Variants in UGT1A1 observed in about 807,000 individuals in gnomAD.
UGT1A1 encodes the protein UDP glucuronosyltransferase family 1 member A1, also known as UDP-glucuronosyltransferase 1A1.
Under a neutral mutation model 40.6 loss-of-function variants are expected in UGT1A1, and 33 were observed. The ratio of observed to expected loss-of-function variants is 0.81; its 90% confidence interval spans 0.62 to 1.09. UGT1A1 has a LOEUF of 1.09. Ranked by LOEUF, UGT1A1 falls within the 50% of genes least tolerant of loss-of-function variation. UGT1A1 has a pLI of 0.00. For missense variants in UGT1A1, 694 were observed against 671.2 expected, an observed-to-expected ratio of 1.03 and a Z score of -0.38; for synonymous variants, 249 against 265.0, an observed-to-expected ratio of 0.94 and a Z score of 0.59.
chr2:233,772,615 T>C lies in UGT1A1; in HGVS notation c.*56T>C. ...AACCATTCCCTAGTCATTTCCAAAC[T>C]TGAAAACAGAATCAGTGTTAAATTC... On this transcript the variant is annotated 3_prime_UTR_variant, in exon 5 of 5. Coordinates refer to ENST00000305208, the MANE Select transcript of UGT1A1 (RefSeq NM_000463.3). 6.3e-7 allele frequency: 1 copy of C among 1,574,876 alleles called. No individual in the cohort carries two copies. The highest frequency in any genetic ancestry group is 8.6e-7 in the Non-Finnish European group (1 of 1,159,332).
At chr2:233,761,312 C>T (rs1697739836) in intron 1 of UGT1A1, among the ~76,000 whole-genome samples, 161 bp downstream of exon 1, 2 of 152,232 alleles carry the variant, frequency 1.3e-5, no homozygotes, top group Non-Finnish European at 2.9e-5. Flanking sequence ...CTGTCTTTGG[C>T]ATCATCTTCT....
chr2:233,766,270 C>T (rs1699087800), intron 1 of UGT1A1, among the ~76,000 whole-genome samples: 1 of 67,854 alleles, frequency 1.5e-5, no homozygotes. Flanking sequence ...GGCCCGGGCT[C>T]GGTGGCCCGG....
chr2:233,765,491 C>T (rs1438228783), intron 1 of UGT1A1, among the ~76,000 whole-genome samples: 1 of 152,094 alleles, frequency 6.6e-6, no homozygotes, highest in African/African-American at 2.4e-5. Flanking sequence ...TCATCCTCCA[C>T]AAACTAACAC....
chr2:233,762,218 A>G (rs1011647338), intron 1 of UGT1A1, among the ~76,000 whole-genome samples: 2 of 152,162 alleles, frequency 1.3e-5, no homozygotes, highest in African/African-American at 4.8e-5. Flanking sequence ...GCGCCCCATA[A>G]ATCTCAGCAC....
At chr2:233,765,532 C>T (rs769087620) in intron 1 of UGT1A1, among the ~76,000 whole-genome samples, 15 of 152,064 alleles carry the variant, frequency 9.9e-5, no homozygotes, top group Non-Finnish European at 2.1e-4. Context: ...CGCATGTTCT[C>T]ACTCATAAGT....
chr2:233,772,746 T>C lies in UGT1A1; in HGVS notation c.*187T>C. On this transcript the variant is annotated 3_prime_UTR_variant, in exon 5 of 5. Coordinates refer to ENST00000305208, the MANE Select transcript of UGT1A1 (RefSeq NM_000463.3). ...ATAGACTCGCTAGTCAGTAAAGATA[T>C]TTGAATATGTATCGTGCCCCCTCTG... The C allele has an allele frequency of 7.0e-7, 1 of 1,422,530 alleles. No individual in the cohort carries two copies. 88.1% of individuals were successfully genotyped at this position (1,422,530 alleles called of 1,614,324 possible).
rs773957041 is a variant in UGT1A1 at position 233,772,325 on chromosome 2, C to G, written c.1368C>G (p.Asp456Glu). Residue 456 changes from aspartate to glutamate, a missense_variant, in exon 5 of 5, where the codon GAC becomes GAG. Coordinates refer to ENST00000305208, the MANE Select transcript of UGT1A1 (RefSeq NM_000463.3). ...AGGACCGCCCGGTGGAGCCGCTGGACCTGGCCGTGTTCTGGGTGGAGTTTG... is the reference window on the plus strand; with the variant it reads ...AGGACCGCCCGGTGGAGCCGCTGGAGCTGGCCGTGTTCTGGGTGGAGTTTG... ...LHKDRPVEPLDLAVFWVEFVM... is the reference protein window; with the variant it reads ...LHKDRPVEPLELAVFWVEFVM... The G allele has an allele frequency of 1.9e-6, 3 of 1,614,136 alleles. No individual in the cohort carries two copies. The highest frequency in any genetic ancestry group is 2.2e-5 in the South Asian group (2 of 91,076).
chr2:233,761,167 G>C lies in UGT1A1; in HGVS notation c.864+16G>C. The C allele has an allele frequency of 6.2e-7, 1 of 1,614,098 alleles. No individual in the cohort carries two copies. On this transcript the variant is annotated intron_variant, in intron 1 of 4. Transcript: ENST00000305208. The stretch of plus-strand genomic sequence containing the variant: ...ACTATCCCAGGTGTGTATTGGAGTG[G>C]GACTTTTACATGCGTATATTCTTTC...
intron 1 of UGT1A1, among the ~76,000 whole-genome samples, chr2:233,763,438 G>A (rs1487731202): frequency 6.6e-6 from 1 of 152,146 alleles, no homozygotes; most frequent in African/African-American, 2.4e-5. Context: ...GCTTTAATAA[G>A]TGCATTTTGC....
At position 233,772,792 on chromosome 2, in the gene UGT1A1, A is replaced by C; in HGVS notation, c.*233A>C. 2.5e-6 allele frequency: 3 copies of C among 1,219,898 alleles called. No individual in the cohort carries two copies. Among genetic ancestry groups the C allele is most frequent in the Non-Finnish European group, 3.3e-6 (3 of 917,948 alleles). The allele number at this position is 1,219,898 out of a possible 1,614,324, so 75.6% of individuals were successfully genotyped here. On this transcript the variant is annotated 3_prime_UTR_variant, in exon 5 of 5. Transcript: ENST00000305208. ...CTCTGGTGTCTTTGATCAGGATGAC[A>C]TGTGCCATTTTTCAGAGGACGTGCA...
At position 233,768,249 on chromosome 2, in the gene UGT1A1, C is replaced by T. The variant is rs1699594140; in HGVS notation, c.1114C>T (p.His372Tyr). ...CCCGATGACCCGTGCCTTTATCACC[C>T]ATGCTGGTTCCCATGGTGTTTATGA... Reference protein sequence around the residue: ...GHPMTRAFITHAGSHGVYESI... With the variant: ...GHPMTRAFITYAGSHGVYESI... Residue 372 changes from histidine to tyrosine, a missense_variant, in exon 4 of 5, where the codon CAT (histidine) becomes TAT (tyrosine). His to Tyr is a moderately conservative substitution (Grantham distance 83). Transcript: ENST00000305208. The T allele has an allele frequency of 6.2e-7, 1 of 1,614,198 alleles. No homozygotes were observed. The highest frequency in any genetic ancestry group is 8.5e-7 in the Non-Finnish European group (1 of 1,180,036).
At chr2:233,768,516 G>A (rs188739654) in intron 4 of UGT1A1, 77 bp downstream of exon 4, 153 of 1,549,320 alleles carry the variant, frequency 9.9e-5, no homozygotes, top group Non-Finnish European at 1.2e-4. Context: ...AAACATTTAC[G>A]TAGCATTTAA....
intron 1 of UGT1A1, among the ~76,000 whole-genome samples, chr2:233,763,075 G>A (rs563223055): frequency 3.9e-5 from 6 of 152,246 alleles, no homozygotes; most frequent in African/African-American, 1.2e-4. Flanking sequence ...CCTTCTTTGC[G>A]TGAGGATGTT....
Position 233,760,701 on chromosome 2 carries a change from C to T in UGT1A1, c.414C>T (p.Ala138=), listed in dbSNP as rs768185321. Residue 138 remains alanine, a synonymous_variant, in exon 1 of 5, where the codon GCC becomes GCT. Transcript: ENST00000305208. Reference sequence around the variant, plus strand: ...TACTGCACAACAAGGAGCTCATGGCCTCCCTGGCAGAAAGCAGCTTTGATG... The same window carrying T: ...TACTGCACAACAAGGAGCTCATGGCTTCCCTGGCAGAAAGCAGCTTTGATG... ...SHLLHNKELM[A]SLAESSFDVM... The T allele has an allele frequency of 1.2e-5, 19 of 1,614,172 alleles. No homozygotes were observed. Among genetic ancestry groups the T allele is most frequent in the Non-Finnish European group, 1.6e-5 (19 of 1,180,032 alleles).
At position 233,761,104 on chromosome 2, in the gene UGT1A1, G is replaced by T. The variant is rs143072292; in HGVS notation, c.817G>T (p.Val273Phe). The change falls in exon 1 of 5, where the codon GTT becomes TTT. Residue 273 changes from valine (V) to phenylalanine (F), a missense_variant. Transcript: ENST00000305208. ...DYPRPIMPNM[V>F]FVGGINCLHQ... Reference sequence around the variant, plus strand: ...CCCTAGGCCCATCATGCCCAATATGGTTTTTGTTGGTGGAATCAACTGCCT... The same window carrying T: ...CCCTAGGCCCATCATGCCCAATATGTTTTTTGTTGGTGGAATCAACTGCCT... 1.9e-6 allele frequency: 3 copies of T among 1,614,078 alleles called. No homozygotes were observed. In the African/African-American group the frequency reaches 4.0e-5, roughly 22 times the overall value.
In UGT1A1 at chr2:233,772,670, A is replaced by T; in HGVS notation, c.*111A>T. 1 of 1,536,688 alleles carries T rather than the reference A, an allele frequency of 6.5e-7. No homozygotes were observed. Among genetic ancestry groups the T allele is most frequent in the Admixed American group, 2.0e-5 (1 of 50,138 alleles). ...TATTCTTATTAAGGAAATACTTTGC[A>T]TAAATTAATCAGCCCCAGAGTGCTT... On this transcript the variant is annotated 3_prime_UTR_variant, in exon 5 of 5. Transcript: ENST00000305208.
Position 233,772,728 on chromosome 2 carries a change from C to T in UGT1A1, c.*169C>T, listed in dbSNP as rs1029569602. 2.4e-5 allele frequency: 35 copies of T among 1,446,106 alleles called. No homozygotes were observed. The highest frequency in any genetic ancestry group is 8.7e-5 in the South Asian group (6 of 68,994). The allele number at this position is 1,446,106 out of a possible 1,614,324, so 89.6% of individuals were successfully genotyped here. A position where few individuals can be genotyped will look rare whatever the true frequency, so the allele number is the denominator to read the frequency against. ...TTCTCTTAAATAAAAATAATAGACT[C>T]GCTAGTCAGTAAAGATATTTGAATA... On this transcript the variant is annotated 3_prime_UTR_variant, in exon 5 of 5. Coordinates refer to ENST00000305208, the MANE Select transcript of UGT1A1 (RefSeq NM_000463.3).
rs1218181857 is a variant in UGT1A1, at chr2:233,760,760, C to G, written c.473C>G (p.Pro158Arg). 1 of 1,614,064 alleles carries G rather than the reference C, an allele frequency of 6.2e-7. No homozygotes were observed. The highest frequency in any genetic ancestry group is 1.3e-5 in the African/African-American group (1 of 75,016). The change falls in exon 1 of 5, where the codon CCC (proline) becomes CGC (arginine). Residue 158 changes from proline to arginine, a missense_variant. By Grantham distance (103) the Pro-to-Arg change is moderately radical. Transcript: ENST00000305208. ...MLTDPFLPCS[P>R]IVAQYLSLPT... ...ACGGACCCTTTCCTTCCTTGCAGCC[C>G]CATCGTGGCCCAGTACCTGTCTCTG...
At position 233,769,420 on chromosome 2, in the gene UGT1A1, T is replaced by C; in HGVS notation, c.1304+981T>C. 1 of 1,459,970 alleles carries C rather than the reference T, an allele frequency of 6.8e-7. No homozygotes were observed. The highest frequency in any genetic ancestry group is 1.8e-4 in the Middle Eastern group (1 of 5,568). 90.4% of individuals were successfully genotyped at this position (1,459,970 alleles called of 1,614,324 possible). ...GCATATGTGCGTGTGCGTTTGTGCA[T>C]GTGGCTGTGCTCATGTGTGGGTGCA... is the stretch of plus-strand genomic sequence containing the variant. On this transcript the variant is annotated intron_variant, in intron 4 of 4. Coordinates refer to ENST00000305208, the MANE Select transcript of UGT1A1 (RefSeq NM_000463.3). This position sits in a 1 kb window ranked among gnomAD's most constrained non-coding sequence, Gnocchi z 4.4.
Sources: gnomAD v4.1 joint callset for allele counts (sites outside exome capture counted in the v4.1 genomes callset) on GRCh38, gnomAD v4.1.1 for gene constraint, Gnocchi (gnomAD v3.1) non-coding constraint, MANE v1.5 for transcripts, NCBI Gene and HGNC (gene_info 2026-07-23, HGNC 2026-07-21) for gene names.